The following CHMP3 variants were observed in gnomAD, a reference collection of about 807,000 sequenced individuals.
The protein encoded by CHMP3 is 25.1 protein.
CHMP3 carries 8 observed loss-of-function variants against 27.4 expected under a neutral mutation model. The observed-to-expected ratio is 0.29, with a 90% CI of 0.17 to 0.53. CHMP3 has a LOEUF of 0.53. Among genes scored for constraint, CHMP3 ranks in the 20% least tolerant of loss-of-function variants. The probability of loss-of-function intolerance (pLI) is 0.96; values close to 1 mark genes in which losing one functional copy is unlikely to be tolerated. For synonymous variants in CHMP3, 86 were observed against 85.5 expected (o/e 1.01, Z -0.03); for missense variants, 208 against 271.5 (o/e 0.77, Z 1.64).
At chr2:86,558,492 T>A (rs1198392916) in intron 1 of CHMP3, among the ~76,000 whole-genome samples, 2 of 152,198 alleles carry the variant, frequency 1.3e-5, no homozygotes, top group African/African-American at 4.8e-5. Context: ...TAACAAATAT[T>A]TACTTAGCAC....
In CHMP3 at chr2:86,503,715, T is replaced by G. The variant is rs960829779; in HGVS notation, c.*2089A>C. 5.3e-5 allele frequency: 8 copies of G among 152,228 alleles called. No homozygotes were observed. The highest frequency in any genetic ancestry group is 1.9e-4 in the African/African-American group (8 of 41,466). 9.4% of individuals were successfully genotyped at this position (152,228 alleles called of 1,614,324 possible). On this transcript the variant is annotated 3_prime_UTR_variant, in exon 6 of 6. Transcript: ENST00000263856. Reference sequence around the variant, plus strand: ...CAGTCTGAAAAGGCTACATACTATATGATTCCAATATGACATTCTAGAAAA... The same window carrying G: ...CAGTCTGAAAAGGCTACATACTATAGGATTCCAATATGACATTCTAGAAAA...
chr2:86,507,960 T>A (rs990903510), intron 4 of CHMP3, among the ~76,000 whole-genome samples: 3 of 152,076 alleles, frequency 2.0e-5, no homozygotes, highest in Non-Finnish European at 4.4e-5. Flanking sequence ...GCAAATATAA[T>A]CCGTGAACGC....
At chr2:86,515,006 T>C (rs546022458) in intron 3 of CHMP3, among the ~76,000 whole-genome samples, 1 of 152,246 alleles carries the variant, frequency 6.6e-6, no homozygotes, top group African/African-American at 2.4e-5. Flanking sequence ...GAGAGGAATA[T>C]GAAATAAACT....
At chr2:86,562,476 T>G (rs905130488) in intron 1 of CHMP3, among the ~76,000 whole-genome samples, 2 of 152,144 alleles carry the variant, frequency 1.3e-5, no homozygotes, top group Non-Finnish European at 2.9e-5. Context: ...CTGTGCCGTA[T>G]TTAAAGAATT....
chr2:86,544,552 G>T (rs549886924), intron 1 of CHMP3, among the ~76,000 whole-genome samples: 2 of 152,026 alleles, frequency 1.3e-5, no homozygotes, highest in South Asian at 2.1e-4. Context: ...GACTCTTAAC[G>T]AGCATGCTGC....
intron 3 of CHMP3, among the ~76,000 whole-genome samples, chr2:86,512,724 A>G (rs1675150598): frequency 6.6e-6 from 1 of 152,252 alleles, no homozygotes; most frequent in South Asian, 2.1e-4. Context: ...ACCTGAACAG[A>G]TAACTCACCA....
intron 1 of CHMP3, among the ~76,000 whole-genome samples, chr2:86,557,166 A>G (rs1490276087): frequency 1.3e-5 from 2 of 152,102 alleles, no homozygotes; most frequent in African/African-American, 4.8e-5. Flanking sequence ...ACCATTCCCA[A>G]CAAACTTGCT....
chr2:86,518,265 C>A (rs111906184), intron 3 of CHMP3, among the ~76,000 whole-genome samples: 544 of 152,114 alleles, frequency 3.6e-3, no homozygotes, highest in African/African-American at 0.013. Flanking sequence ...TTAAAAGGTA[C>A]ATCATGATTT....
intron 1 of CHMP3, among the ~76,000 whole-genome samples, chr2:86,557,878 G>A (rs1208729018): frequency 6.6e-6 from 1 of 152,134 alleles, no homozygotes; most frequent in East Asian, 1.9e-4. Context: ...GTCTCCTCCA[G>A]TAAACTATAT....
intron 1 of CHMP3, among the ~76,000 whole-genome samples, chr2:86,551,587 C>T (rs531362294): frequency 2.4e-4 from 36 of 152,246 alleles, no homozygotes; most frequent in African/African-American, 8.4e-4. Flanking sequence ...TCCCCAACCA[C>T]AGGGTTTGTC....
At chr2:86,540,964 T>C (rs1160282883) in intron 2 of CHMP3, 1 of 152,104 alleles carries the variant, frequency 6.6e-6, no homozygotes, top group Non-Finnish European at 1.5e-5. Flanking sequence ...TGTTTCATTG[T>C]TGGGTGCCTG....
chr2:86,527,494 T>G (rs1280786084), intron 3 of CHMP3, among the ~76,000 whole-genome samples: 1 of 152,202 alleles, frequency 6.6e-6, no homozygotes, highest in South Asian at 2.1e-4. Context: ...TCAATCTGAA[T>G]TTTTCAAGCT....
At position 86,549,982 on chromosome 2, in the gene CHMP3, C is replaced by T. The variant is rs906863236; in HGVS notation, c.46-7670G>A. Among the ~76,000 whole-genome samples, 9 of 152,298 alleles carry T rather than the reference C, an allele frequency of 5.9e-5. No individual in the cohort carries two copies. The East Asian group carries it at 9.6e-4, about 16-fold the overall frequency. ...CTCACTTCCCAGACGGGGTGGCGGCCGGGCAGAGGCTGTAATCTTAGCACT... is the reference window on the plus strand; with the variant it reads ...CTCACTTCCCAGACGGGGTGGCGGCTGGGCAGAGGCTGTAATCTTAGCACT... On this transcript the variant is annotated intron_variant, in intron 1 of 5. Coordinates refer to ENST00000263856, the MANE Select transcript of CHMP3 (RefSeq NM_016079.4).
intron 1 of CHMP3, among the ~76,000 whole-genome samples, chr2:86,550,393 G>C (rs1325943965): frequency 6.7e-6 from 1 of 150,190 alleles, no homozygotes; most frequent in African/African-American, 2.5e-5. Context: ...AGGGAGAGAG[G>C]GAGAGAGGGG....
intron 1 of CHMP3, among the ~76,000 whole-genome samples, chr2:86,553,394 CAA>C (rs1676987768): frequency 6.6e-6 from 1 of 152,158 alleles, no homozygotes; most frequent in Non-Finnish European, 1.5e-5. Flanking sequence ...TGCAGTGGCA[CAA>C]TCTAGGCTCA....
intron 1 of CHMP3, chr2:86,542,871 T>C (rs528212142): frequency 4.6e-5 from 7 of 152,390 alleles, no homozygotes; most frequent in African/African-American, 1.4e-4. Flanking sequence ...GTTGAGAAAG[T>C]AGTAAATTAC....
At chr2:86,516,097 G>A (rs767331974) in intron 3 of CHMP3, among the ~76,000 whole-genome samples, 30 of 140,220 alleles carry the variant, frequency 2.1e-4, no homozygotes, top group Middle Eastern at 4.6e-3. Flanking sequence ...GCAGTGAGCC[G>A]AGATCGCACC....
chr2:86,510,277 C>CCCAAACCA, intron 4 of CHMP3, 81 bp downstream of exon 4: 2 of 1,118,948 alleles, frequency 1.8e-6, no homozygotes, highest in Non-Finnish European at 2.6e-6. Context: ...CATCCCCACC[C>CCCAAACCA]ACCCTCATCC....
At position 86,563,378 on chromosome 2, in the gene CHMP3, G is replaced by A. The variant is rs1479140592; in HGVS notation, c.-30C>T. 5 of 1,611,510 alleles carry A rather than the reference G, an allele frequency of 3.1e-6. No individual in the cohort carries two copies. Among genetic ancestry groups the A allele is most frequent in the South Asian group, 1.1e-5 (1 of 91,008 alleles). Reference sequence around the variant, plus strand: ...AACTGAACCCGTCTTGCCCCTTCCGGCTTTCAGTTCCCCGCGCCCAGGCAG... The same window carrying A: ...AACTGAACCCGTCTTGCCCCTTCCGACTTTCAGTTCCCCGCGCCCAGGCAG... On this transcript the variant is annotated 5_prime_UTR_variant, in exon 1 of 6. Coordinates refer to ENST00000263856, the MANE Select transcript of CHMP3 (RefSeq NM_016079.4).
Sources: gnomAD v4.1 joint callset for allele counts (sites outside exome capture counted in the v4.1 genomes callset) on GRCh38, gnomAD v4.1.1 for gene constraint, MANE v1.5 for transcripts, NCBI Gene and HGNC (gene_info 2026-07-23, HGNC 2026-07-21) for gene names.